The following COL4A1 variants were observed in gnomAD, a reference collection of about 807,000 sequenced individuals.
COL4A1 encodes the protein collagen type IV alpha 1 chain, also known as collagen alpha-1(IV) chain.
COL4A1 carries 40 observed loss-of-function variants against 216.6 expected under a neutral mutation model. The ratio of observed to expected loss-of-function variants is 0.18; its 90% CI spans 0.14 to 0.24. COL4A1 has a LOEUF of 0.24. COL4A1 is among the 10% of genes least tolerant of loss of function. COL4A1 has a pLI of 1.00. For synonymous variants in COL4A1, 839 were observed against 810.7 expected, an observed-to-expected ratio of 1.03 and a Z score of -0.59; for missense variants, 1,628 against 2,196.8, an observed-to-expected ratio of 0.74 and a Z score of 5.18.
intron 1 of COL4A1, among the ~76,000 whole-genome samples, chr13:110,287,951 T>C (rs1883906018): frequency 6.6e-6 from 1 of 151,986 alleles, no homozygotes; most frequent in Non-Finnish European, 1.5e-5. Flanking sequence ...ACCAAGAAAT[T>C]GGTGAATTCA....
intron 1 of COL4A1, among the ~76,000 whole-genome samples, chr13:110,280,768 A>C (rs753940499): frequency 1.2e-4 from 18 of 152,176 alleles, no homozygotes; most frequent in Non-Finnish European, 1.5e-4. Flanking sequence ...GTAATACATG[A>C]ATATAAATGT....
rs1883130825 is a variant in COL4A1, at chr13:110,268,609, A to ATGCTGGCCGTGCCACTGTGCTC, written c.85-25897_85-25876dup. On this transcript the variant is annotated intron_variant, in intron 1 of 51. Transcript: ENST00000375820. This position sits in a 1 kb window ranked among gnomAD's most constrained non-coding sequence, Gnocchi z 4.1. ...TTTTGAGCTTCAAGCCTCAGTTAAA[A>ATGCTGGCCGTGCCACTGTGCTC]TGCTGGCCGTGCCACTGTGCTCTGC... Among the ~76,000 whole-genome samples, 1 of 152,242 alleles carries ATGCTGGCCGTGCCACTGTGCTC rather than the reference A, an allele frequency of 6.6e-6. No homozygotes were observed. Among genetic ancestry groups the ATGCTGGCCGTGCCACTGTGCTC allele is most frequent in the Non-Finnish European group, 1.5e-5 (1 of 68,040 alleles).
intron 1 of COL4A1, among the ~76,000 whole-genome samples, chr13:110,245,825 C>A (rs1451924434): frequency 3.9e-5 from 6 of 152,130 alleles, no homozygotes; most frequent in African/African-American, 7.2e-5. Context: ...CGGTGACAGG[C>A]GGGTGGGTAG....
intron 1 of COL4A1, among the ~76,000 whole-genome samples, chr13:110,278,558 T>C (rs1216427967): frequency 1.3e-5 from 2 of 152,266 alleles, no homozygotes; most frequent in Middle Eastern, 3.4e-3. Flanking sequence ...TATATACACA[T>C]ATATACACAC....
At position 110,192,304 on chromosome 13, in the gene COL4A1, A is replaced by G; in HGVS notation, c.1466-20T>C. On this transcript the variant is annotated intron_variant, in intron 23 of 51. Transcript: ENST00000375820. Reference sequence around the variant, plus strand: ...GGAAACCTTTCGTGAGAGAGAGGGAAAAAGACAGCAACACAGCATTCATGA... The same window carrying G: ...GGAAACCTTTCGTGAGAGAGAGGGAGAAAGACAGCAACACAGCATTCATGA... 1 of 1,611,438 alleles carries G rather than the reference A, an allele frequency of 6.2e-7. No homozygotes were observed. Among genetic ancestry groups the G allele is most frequent in the Non-Finnish European group, 8.5e-7 (1 of 1,177,504 alleles).
intron 41 of COL4A1, 137 bp from the exon 42 acceptor site, chr13:110,170,869 G>A: frequency 1.2e-6 from 1 of 856,094 alleles, no homozygotes; most frequent in African/African-American, 1.7e-5. Flanking sequence ...GGACACCACA[G>A]GAAACTGCAG....
intron 50 of COL4A1, among the ~76,000 whole-genome samples, chr13:110,154,594 T>C (rs1171278331): frequency 1.3e-5 from 2 of 152,236 alleles, no homozygotes; most frequent in South Asian, 2.1e-4. Flanking sequence ...GCTGGTCATA[T>C]AGAGAAGTTG....
intron 1 of COL4A1, among the ~76,000 whole-genome samples, chr13:110,281,058 C>A (rs1039123439): frequency 6.6e-6 from 1 of 152,158 alleles, no homozygotes; most frequent in Admixed American, 6.5e-5. Flanking sequence ...AACAATTCTG[C>A]AGCTCTAAAC....
chr13:110,278,534 C>G (rs1883508139), intron 1 of COL4A1, among the ~76,000 whole-genome samples: 1 of 152,156 alleles, frequency 6.6e-6, no homozygotes, highest in African/African-American at 2.4e-5. Flanking sequence ...ATTCATTCTT[C>G]TAATCATTAT....
intron 1 of COL4A1, among the ~76,000 whole-genome samples, chr13:110,252,087 G>A (rs995678930): frequency 2.6e-4 from 39 of 152,108 alleles, no homozygotes; most frequent in African/African-American, 8.7e-4. Flanking sequence ...GCTGTGGCGC[G>A]ATCTCAACTC....
intron 24 of COL4A1, among the ~76,000 whole-genome samples, chr13:110,188,719 G>A (rs967471965): frequency 6.6e-6 from 1 of 152,218 alleles, no homozygotes; most frequent in Non-Finnish European, 1.5e-5. Flanking sequence ...GGGCTTGAAG[G>A]ACTTCTGTGT....
rs1422300773 is a variant in COL4A1 at position 110,149,726 on chromosome 13, A to G, written c.*637T>C. The stretch of plus-strand genomic sequence containing the variant: ...CTATATAAATTACTAATATATATAT[A>G]TATTTAATTTTTGACTATTTTTGGA... On this transcript the variant is annotated 3_prime_UTR_variant, in exon 52 of 52. Coordinates refer to ENST00000375820, the MANE Select transcript of COL4A1 (RefSeq NM_001845.6). 6.6e-6 allele frequency: 1 copy of G among 152,402 alleles called. No individual in the cohort carries two copies. The highest frequency in any genetic ancestry group is 1.5e-5 in the Non-Finnish European group (1 of 68,078). The allele number at this position is 152,402 out of a possible 1,614,324, so 9.4% of individuals were successfully genotyped here. A position where few individuals can be genotyped will look rare whatever the true frequency, so the allele number is the denominator to read the frequency against.
chr13:110,155,969 G>A (rs1594530812), intron 49 of COL4A1, among the ~76,000 whole-genome samples: 2 of 152,304 alleles, frequency 1.3e-5, no homozygotes, highest in East Asian at 1.9e-4. Flanking sequence ...GGGAGGCTGA[G>A]GCAGGACTGC....
chr13:110,187,003 G>A, intron 25 of COL4A1, 135 bp downstream of exon 25: 1 of 1,199,616 alleles, frequency 8.3e-7, no homozygotes, highest in Non-Finnish European at 1.2e-6. Context: ...CATGAACCAT[G>A]AATCATGAAA....
At chr13:110,185,050 C>T (rs1235336029) in intron 26 of COL4A1, among the ~76,000 whole-genome samples, 4 of 152,226 alleles carry the variant, frequency 2.6e-5, no homozygotes, top group Non-Finnish European at 5.9e-5. Flanking sequence ...TGGTTATTGA[C>T]ATAATCAGCA....
intron 1 of COL4A1, among the ~76,000 whole-genome samples, chr13:110,250,988 G>A (rs950246148): frequency 1.3e-5 from 2 of 152,146 alleles, no homozygotes; most frequent in African/African-American, 4.8e-5. Context: ...CCGGTTCCCC[G>A]GATTCTTTTC....
At chr13:110,290,960 A>T (rs532892440) in intron 1 of COL4A1, among the ~76,000 whole-genome samples, 1 of 152,344 alleles carries the variant, frequency 6.6e-6, no homozygotes, top group Admixed American at 6.5e-5. Context: ...GGGCGATTGC[A>T]CGTCCCCCAG....
chr13:110,240,541 G>A (rs902766702), intron 2 of COL4A1, among the ~76,000 whole-genome samples: 4 of 152,264 alleles, frequency 2.6e-5, no homozygotes, highest in African/African-American at 9.6e-5. Context: ...CCCCACGCAG[G>A]CTCCAAGCCA....
At chr13:110,281,276 T>G (rs533209147) in intron 1 of COL4A1, among the ~76,000 whole-genome samples, 1 of 152,342 alleles carries the variant, frequency 6.6e-6, no homozygotes, top group African/African-American at 2.4e-5. Context: ...GCCAGAATTC[T>G]TATTTCCCAA....
Sources: gnomAD v4.1 joint callset for allele counts (sites outside exome capture counted in the v4.1 genomes callset) on GRCh38, gnomAD v4.1.1 for gene constraint, Gnocchi (gnomAD v3.1) non-coding constraint, MANE v1.5 for transcripts, NCBI Gene and HGNC (gene_info 2026-07-23, HGNC 2026-07-21) for gene names.